The following N4BP2L2 variants were observed in gnomAD, a reference collection of about 807,000 sequenced individuals.
N4BP2L2 encodes NEDD4 binding protein 2 like 2, also known as NEDD4-binding protein 2-like 2.
N4BP2L2 carries 50 observed loss-of-function variants against 56.2 expected under a neutral mutation model. That is an observed-to-expected ratio of 0.89 (90% CI 0.71 to 1.13). The LOEUF (loss-of-function observed/expected upper bound fraction) is 1.13. N4BP2L2 is among the 50% of genes most tolerant of loss of function. The pLI is 0.00. For synonymous variants in N4BP2L2, 203 were observed against 223.6 expected (o/e 0.91, Z 0.82); for missense variants, 689 against 693.8 (o/e 0.99, Z 0.08).
intron 6 of N4BP2L2, among the ~76,000 whole-genome samples, chr13:32,493,739 G>A (rs2087766370): frequency 6.6e-6 from 1 of 152,176 alleles, no homozygotes; most frequent in South Asian, 2.1e-4. Context: ...AACTGCCTGA[G>A]GCATATAACT....
At chr13:32,444,118 A>T in exon 7 of N4BP2L2, 2 of 1,498,578 alleles carry the variant, frequency 1.3e-6, no homozygotes, top group Non-Finnish European at 8.9e-7. Flanking sequence ...TTTCTTCAAA[A>T]CTCTTTCTCT....
chr13:32,462,480 AAG>A (rs1320622329), intron 6 of N4BP2L2, among the ~76,000 whole-genome samples: 1 of 152,046 alleles, frequency 6.6e-6, no homozygotes, highest in Non-Finnish European at 1.5e-5. Flanking sequence ...GGAATGGATG[AAG>A]AGAGGTTGGT....
At chr13:32,511,939 A>G (rs1169978443) in exon 6 of N4BP2L2, 1 of 152,192 alleles carries the variant, frequency 6.6e-6, no homozygotes, top group East Asian at 1.9e-4. Context: ...AAAACTGAAG[A>G]GTTCAGAATT....
chr13:32,437,558 C>T (rs1265765126), intron 8 of N4BP2L2, among the ~76,000 whole-genome samples: 1 of 152,344 alleles, frequency 6.6e-6, no homozygotes, highest in Middle Eastern at 3.4e-3. Flanking sequence ...TTTCTATCAT[C>T]CTTCTAACCT....
chr13:32,451,742 G>A (rs967571279), intron 6 of N4BP2L2, among the ~76,000 whole-genome samples: 2 of 150,906 alleles, frequency 1.3e-5, no homozygotes, highest in African/African-American at 2.4e-5. Flanking sequence ...TAAGAAACAG[G>A]GTCTCACTAT....
At chr13:32,478,069 A>G (rs747376428) in intron 6 of N4BP2L2, 7 of 1,288,508 alleles carry the variant, frequency 5.4e-6, no homozygotes, top group Non-Finnish European at 6.1e-6. Context: ...ATTGTGAAAT[A>G]TATTCAGGCC....
chr13:32,442,204 G>A (rs2076497495), intron 7 of N4BP2L2, among the ~76,000 whole-genome samples: 1 of 152,114 alleles, frequency 6.6e-6, no homozygotes, highest in South Asian at 2.1e-4. Flanking sequence ...GAAGACTACC[G>A]ACAGCAAAGG....
chr13:32,466,136 C>G (rs576888618), intron 6 of N4BP2L2, among the ~76,000 whole-genome samples: 116 of 152,278 alleles, frequency 7.6e-4, no homozygotes, highest in African/African-American at 2.6e-3. Context: ...AATCTGAAAA[C>G]AACCCATCTA....
rs1326466080 is a variant in N4BP2L2, at chr13:32,443,854, T to C, written c.638A>G (p.Lys213Arg). 5 of 1,573,026 alleles carry C rather than the reference T, an allele frequency of 3.2e-6. No individual in the cohort carries two copies. In the Admixed American group the frequency reaches 5.9e-5, roughly 19 times the overall value. ...GAAACTGTCTTTAGGATCTTTATTT[T>C]TCCATCTTTTTTCTTTATATCCAGT... Residue 213 changes from lysine (K) to arginine (R), a missense_variant, in exon 7 of 10, where the codon AAA becomes AGA. By Grantham distance (26) the Lys-to-Arg change is conservative. Coordinates refer to the N4BP2L2 transcript ENST00000357505.
At chr13:32,469,183 T>C (rs1279447795) in intron 6 of N4BP2L2, among the ~76,000 whole-genome samples, 2 of 152,248 alleles carry the variant, frequency 1.3e-5, no homozygotes, top group African/African-American at 4.8e-5. Flanking sequence ...TGACATTTGG[T>C]GTAGTCCTCG....
At chr13:32,511,996 ATAAT>A (rs1260277390) in exon 6 of N4BP2L2, 2 of 152,190 alleles carry the variant, frequency 1.3e-5, no homozygotes, top group African/African-American at 4.8e-5. Flanking sequence ...TGAAAGCTGT[ATAAT>A]TATTATAATT....
intron 6 of N4BP2L2, among the ~76,000 whole-genome samples, chr13:32,492,666 G>A (rs903389579): frequency 4.6e-5 from 7 of 151,912 alleles, no homozygotes; most frequent in Admixed American, 3.3e-4. Flanking sequence ...CAACATGTTG[G>A]ACACAGGTAA....
exon 6 of N4BP2L2, chr13:32,517,300 A>T (rs1189382883): frequency 6.1e-6 from 6 of 987,300 alleles, no homozygotes; most frequent in Non-Finnish European, 7.2e-6. Flanking sequence ...GATTATAGCT[A>T]AGAAATAATT....
intron 3 of N4BP2L2, chr13:32,523,390 C>CA (rs35751545): frequency 0.63 from 81,351 of 128,274 alleles, 25,186 homozygotes; most frequent in African/African-American, 0.67. Context: ...GACTCTGTCT[C>CA]AAAAAAAAAA....
intron 2 of N4BP2L2, 97 bp from the exon 3 acceptor site, chr13:32,527,629 C>A: frequency 5.8e-6 from 8 of 1,379,038 alleles, no homozygotes; most frequent in Non-Finnish European, 7.9e-6. Context: ...AAATAAATCA[C>A]ACAGGAAAGG....
At chr13:32,446,288 G>T in intron 6 of N4BP2L2, 1 of 1,046,910 alleles carries the variant, frequency 9.6e-7, no homozygotes, top group Non-Finnish European at 1.3e-6. Context: ...TTGTGATGGG[G>T]CCTCTATAAA....
At chr13:32,514,260 A>T (rs2048726372) in exon 6 of N4BP2L2, 1 of 152,208 alleles carries the variant, frequency 6.6e-6, no homozygotes, top group Admixed American at 6.5e-5. Context: ...TCAAAAGTTC[A>T]AATTAATTAC....
intron 7 of N4BP2L2, among the ~76,000 whole-genome samples, chr13:32,441,608 C>T (rs2076342887): frequency 6.6e-6 from 1 of 150,704 alleles, no homozygotes. Context: ...TGCTTGAACC[C>T]GGGAAGTGGA....
At chr13:32,523,639 G>C (rs1470732724) in intron 3 of N4BP2L2, 2 of 145,606 alleles carry the variant, frequency 1.4e-5, no homozygotes, top group Non-Finnish European at 3.0e-5. Context: ...AGCCAAGATC[G>C]CACCACTGCA....
Sources: allele counts gnomAD v4.1 joint callset (sites outside exome capture counted in the v4.1 genomes callset), GRCh38; gene constraint gnomAD v4.1.1; transcripts MANE v1.5; gene names NCBI Gene and HGNC (gene_info 2026-07-23, HGNC 2026-07-21).